CPVL: variants seen among roughly 807,000 people sequenced by gnomAD.
CPVL encodes carboxypeptidase vitellogenic like.
CPVL carries 51 observed loss-of-function variants against 63.7 expected under a neutral mutation model. That is an observed-to-expected ratio of 0.80 (90% CI 0.64 to 1.01). The LOEUF is 1.01. Among genes scored for constraint, CPVL ranks in the 50% least tolerant of loss-of-function variants. The pLI is 0.00. For missense variants in CPVL, 530 were observed against 573.1 expected (o/e 0.92, Z 0.77); for synonymous variants, 195 against 206.0 (o/e 0.95, Z 0.46).
intron 12 of CPVL, among the ~76,000 whole-genome samples, chr7:29,014,550 C>T (rs963394202): frequency 2.6e-5 from 4 of 151,652 alleles, no homozygotes; most frequent in African/African-American, 9.7e-5. Flanking sequence ...CTTGCCCACC[C>T]AGGCTAGTCT....
At chr7:29,136,294 A>C (rs245862) in intron 1 of CPVL, among the ~76,000 whole-genome samples, 132,808 of 152,226 alleles carry the variant, frequency 0.87, 58,005 homozygotes, top group East Asian at 1. Context: ...TCCAAAGAGG[A>C]AATTTTTAAG....
At position 29,065,941 on chromosome 7, in the gene CPVL, A is replaced by G. The variant is rs957401906; in HGVS notation, c.963+82T>C. The stretch of plus-strand genomic sequence containing the variant: ...ATGTTGGTCTAGTATAAAGTCATCT[A>G]TAATATTTCCCAAATCAAAGGAAGT... On this transcript the variant is annotated intron_variant, in intron 10 of 12. Transcript: ENST00000265394. 1.1e-4 allele frequency: 88 copies of G among 768,732 alleles called. No individual in the cohort carries two copies. The East Asian group carries it at 2.2e-3, about 19-fold the overall frequency. The allele number at this position is 768,732 out of a possible 1,614,324, so 47.6% of individuals were successfully genotyped here.
At chr7:29,065,324 T>A (rs973226646) in intron 10 of CPVL, among the ~76,000 whole-genome samples, 16 of 152,218 alleles carry the variant, frequency 1.1e-4, no homozygotes, top group Non-Finnish European at 2.2e-4. Flanking sequence ...ATTGGCGAAT[T>A]CCACTGAAAC....
intron 11 of CPVL, among the ~76,000 whole-genome samples, chr7:29,033,039 C>T (rs576457341): frequency 6.6e-6 from 1 of 152,292 alleles, no homozygotes; most frequent in South Asian, 2.1e-4. Flanking sequence ...CAATCTCGCA[C>T]AGGCAATGTG....
At chr7:29,063,791 CA>C in intron 11 of CPVL, among the ~76,000 whole-genome samples, 1 of 151,950 alleles carries the variant, frequency 6.6e-6, no homozygotes, top group East Asian at 1.9e-4. Flanking sequence ...AGGCTGGTCT[CA>C]AAATCTTGAC....
At chr7:29,088,956 A>C (rs1323932504) in intron 6 of CPVL, among the ~76,000 whole-genome samples, 1 of 152,198 alleles carries the variant, frequency 6.6e-6, no homozygotes, top group African/African-American at 2.4e-5. Flanking sequence ...GCCTGGCGAC[A>C]TAGTGAGACT....
chr7:29,075,320 G>C (rs1239825615), intron 7 of CPVL, among the ~76,000 whole-genome samples: 11 of 152,048 alleles, frequency 7.2e-5, no homozygotes, highest in Non-Finnish European at 1.6e-4. Context: ...CTATGAGCCA[G>C]GCTACCTCAC....
intron 11 of CPVL, among the ~76,000 whole-genome samples, chr7:29,041,374 G>C (rs1016737239): frequency 9.9e-5 from 15 of 152,100 alleles, no homozygotes; most frequent in Admixed American, 3.3e-4. Flanking sequence ...ACCGCGCCTG[G>C]CCCAATAACT....
intron 10 of CPVL, among the ~76,000 whole-genome samples, chr7:29,065,668 T>G (rs953254591): frequency 3.3e-5 from 5 of 152,146 alleles, no homozygotes; most frequent in African/African-American, 9.7e-5. Flanking sequence ...AATGTGGGCA[T>G]TTTCAAGAGA....
At chr7:29,014,350 T>A (rs1046636772) in intron 12 of CPVL, among the ~76,000 whole-genome samples, 1 of 152,050 alleles carries the variant, frequency 6.6e-6, no homozygotes, top group African/African-American at 2.4e-5. Context: ...TTGTTTTGTT[T>A]GAGACAGGGT....
At chr7:29,014,372 G>C (rs1005903153) in intron 12 of CPVL, among the ~76,000 whole-genome samples, 6 of 152,168 alleles carry the variant, frequency 3.9e-5, no homozygotes, top group African/African-American at 1.4e-4. Context: ...TTACTCTGAC[G>C]CCCAGGCTGG....
chr7:29,106,487 T>C (rs1002825598), intron 3 of CPVL, among the ~76,000 whole-genome samples: 1 of 151,816 alleles, frequency 6.6e-6, no homozygotes, highest in South Asian at 2.1e-4. Context: ...GCTGACAGAC[T>C]AGGCAGTGGG....
At chr7:29,014,294 T>G (rs935229579) in intron 12 of CPVL, among the ~76,000 whole-genome samples, 1 of 152,158 alleles carries the variant, frequency 6.6e-6, no homozygotes, top group South Asian at 2.1e-4. Flanking sequence ...AAGACTCTGT[T>G]TGCCGATTTC....
intron 1 of CPVL, among the ~76,000 whole-genome samples, chr7:29,124,234 C>T (rs917209928): frequency 6.6e-6 from 1 of 152,082 alleles, no homozygotes; most frequent in African/African-American, 2.4e-5. Flanking sequence ...AACCAACAAA[C>T]CTTATACTAG....
At chr7:28,998,244 G>A (rs1019115404) in intron 12 of CPVL, among the ~76,000 whole-genome samples, 2 of 152,196 alleles carry the variant, frequency 1.3e-5, no homozygotes, top group African/African-American at 4.8e-5. Flanking sequence ...AGTCATATGT[G>A]TGACAAAACC....
chr7:29,082,158 T>G (rs545976773), intron 7 of CPVL, among the ~76,000 whole-genome samples: 9 of 152,112 alleles, frequency 5.9e-5, no homozygotes, highest in South Asian at 2.1e-4. Context: ...CAATTTTTTT[T>G]TGTGTGGTGG....
At chr7:29,127,259 T>C (rs1449959993) in intron 1 of CPVL, among the ~76,000 whole-genome samples, 1 of 152,198 alleles carries the variant, frequency 6.6e-6, no homozygotes, top group Admixed American at 6.5e-5. Context: ...TCCCAACATG[T>C]TCTTCAACAG....
chr7:29,032,979 A>G (rs1421407940), intron 11 of CPVL, among the ~76,000 whole-genome samples: 1 of 152,236 alleles, frequency 6.6e-6, no homozygotes, highest in African/African-American at 2.4e-5. Flanking sequence ...ACTTATCATA[A>G]CAAGAGCACC....
chr7:29,164,641 C>T (rs1795654054), intron 5 of CPVL, among the ~76,000 whole-genome samples: 1 of 151,740 alleles, frequency 6.6e-6, no homozygotes, highest in Admixed American at 6.6e-5. Flanking sequence ...ATTAGCCACG[C>T]GTGGTGGCAT....
Sources: gnomAD v4.1 joint callset for allele counts (sites outside exome capture counted in the v4.1 genomes callset) on GRCh38, gnomAD v4.1.1 for gene constraint, MANE v1.5 for transcripts, NCBI Gene and HGNC (gene_info 2026-07-23, HGNC 2026-07-21) for gene names.